R3HDM2: variants seen among roughly 807,000 people sequenced by gnomAD.
R3HDM2 encodes R3H domain-containing protein 2.
In R3HDM2, 38 loss-of-function variants were observed where a neutral mutation model predicts 124.5. The ratio of observed to expected loss-of-function variants is 0.31; its 90% CI spans 0.24 to 0.40. The LOEUF (loss-of-function observed/expected upper bound fraction) is 0.40. Among genes scored for constraint, R3HDM2 ranks in the 10% least tolerant of loss-of-function variants. R3HDM2 has a pLI of 1.00. For synonymous variants in R3HDM2, 391 were observed against 448.0 expected, an observed-to-expected ratio of 0.87 and a Z score of 1.61; for missense variants, 869 against 1,236.9, an observed-to-expected ratio of 0.70 and a Z score of 4.46.
chr12:57,394,328 G>A (rs1041936455), intron 2 of R3HDM2, among the ~76,000 whole-genome samples: 3 of 151,846 alleles, frequency 2.0e-5, no homozygotes, highest in South Asian at 2.1e-4. Flanking sequence ...ATGGCACAGC[G>A]GGCACGGTGG....
chr12:57,291,668 A>C (rs1019769725), intron 11 of R3HDM2, among the ~76,000 whole-genome samples: 1 of 151,608 alleles, frequency 6.6e-6, no homozygotes, highest in African/African-American at 2.4e-5. Flanking sequence ...AAAAAAAACA[A>C]AAAAAAACAA....
intron 2 of R3HDM2, among the ~76,000 whole-genome samples, chr12:57,392,874 G>T (rs1566467561): frequency 7.0e-6 from 1 of 142,042 alleles, no homozygotes; most frequent in Non-Finnish European, 1.5e-5. Flanking sequence ...GCACGATTTT[G>T]GCTCACCGCA....
Position 57,269,951 on chromosome 12 carries a change from C to T in R3HDM2, c.1388G>A (p.Arg463His), listed in dbSNP as rs1052663918. The change falls in exon 15 of 24, where the codon CGC (arginine) becomes CAC (histidine). Residue 463 changes from arginine to histidine, a missense_variant. By Grantham distance (29) the Arg-to-His change is conservative (BLOSUM62 0). Coordinates refer to ENST00000402412, the MANE Select transcript of R3HDM2 (RefSeq NM_001394031.1). Reference protein sequence around the residue: ...SNPFGQMSLSRQGSTEAADPS... With the variant: ...SNPFGQMSLSHQGSTEAADPS... ...GTCAGCTGCTTCAGTAGAACCTTGGCGACTAAGGCTCATTTGTCCAAAGGG... is the reference window on the plus strand; with the variant it reads ...GTCAGCTGCTTCAGTAGAACCTTGGTGACTAAGGCTCATTTGTCCAAAGGG... 12 of 1,613,982 alleles carry T rather than the reference C, an allele frequency of 7.4e-6. No individual in the cohort carries two copies. The highest frequency in any genetic ancestry group is 3.3e-4 in the Middle Eastern group (2 of 6,084).
chr12:57,424,214 A>G (rs554502300), intron 1 of R3HDM2, among the ~76,000 whole-genome samples: 1 of 151,190 alleles, frequency 6.6e-6, no homozygotes, highest in East Asian at 2.0e-4. Context: ...GCTGGAGTAC[A>G]GTGGCGTGAT....
chr12:57,307,819 G>A (rs1281974218), intron 3 of R3HDM2, among the ~76,000 whole-genome samples: 1 of 151,932 alleles, frequency 6.6e-6, no homozygotes, highest in East Asian at 1.9e-4. Context: ...GCTGATGAAG[G>A]GGTAAATGGT....
chr12:57,357,013 G>A (rs540246471), intron 2 of R3HDM2, among the ~76,000 whole-genome samples: 1 of 152,200 alleles, frequency 6.6e-6, no homozygotes, highest in South Asian at 2.1e-4. Context: ...TGAGGCAGGA[G>A]AATGGCGTGA....
intron 2 of R3HDM2, among the ~76,000 whole-genome samples, chr12:57,376,573 T>C (rs1012816972): frequency 6.6e-6 from 1 of 152,210 alleles, no homozygotes; most frequent in African/African-American, 2.4e-5. Flanking sequence ...GGAGGTTCAC[T>C]TGAAGCCAGA....
intron 2 of R3HDM2, among the ~76,000 whole-genome samples, chr12:57,341,045 A>AT (rs1385368955): frequency 3.3e-5 from 5 of 152,204 alleles, no homozygotes; most frequent in Non-Finnish European, 5.9e-5. Flanking sequence ...ATAACTACCT[A>AT]TTTTTTAGGT....
rs746275435 is a variant in R3HDM2, at chr12:57,280,530, C to T, written c.1172G>A (p.Gly391Asp). Residue 391 changes from glycine to aspartate, a missense_variant and splice_region_variant, in exon 14 of 24, where the codon GGT (glycine) becomes GAT (aspartate). Physicochemically the swap from Gly to Asp is moderately conservative, Grantham distance 94. This residue lies in a region of R3HDM2 where 602 missense variants were observed against 789.2 expected (regional missense o/e 0.76). Transcript: ENST00000402412. ...CACTTCTGGGGCACCTAGTGCCATACCTAAGGCAAAGAAGAAACCCACAAA... is the reference window on the plus strand; with the variant it reads ...CACTTCTGGGGCACCTAGTGCCATATCTAAGGCAAAGAAGAAACCCACAAA... ...GGSAGRISRPGMALGAPEVCN... is the reference protein window; with the variant it reads ...GGSAGRISRPDMALGAPEVCN... 1.9e-6 allele frequency: 3 copies of T among 1,588,926 alleles called. No individual in the cohort carries two copies. Among genetic ancestry groups the T allele is most frequent in the Non-Finnish European group, 2.6e-6 (3 of 1,167,494 alleles).
At chr12:57,397,097 GAA>G (rs879440991) in intron 1 of R3HDM2, among the ~76,000 whole-genome samples, 1 of 140,492 alleles carries the variant, frequency 7.1e-6, no homozygotes, top group Non-Finnish European at 1.6e-5. Context: ...CCATCTCAAA[GAA>G]AAAAAAAAAA....
intron 2 of R3HDM2, among the ~76,000 whole-genome samples, chr12:57,324,781 G>A (rs2057038479): frequency 6.6e-6 from 1 of 152,180 alleles, no homozygotes. Context: ...AGTGTTATGG[G>A]CTGAACACAT....
chr12:57,328,126 C>T (rs1228628477), intron 2 of R3HDM2, among the ~76,000 whole-genome samples: 2 of 150,702 alleles, frequency 1.3e-5, no homozygotes, highest in Non-Finnish European at 2.9e-5. Flanking sequence ...GGCTGGAGTG[C>T]AGTGGCGCGA....
chr12:57,386,570 C>A, intron 2 of R3HDM2, among the ~76,000 whole-genome samples: 1 of 150,810 alleles, frequency 6.6e-6, no homozygotes, highest in East Asian at 1.9e-4. Flanking sequence ...TGGGCTCCTG[C>A]GCAGCCTGAG....
At chr12:57,303,032 T>G (rs2051618874) in intron 4 of R3HDM2, 144 bp downstream of exon 4, 1 of 721,182 alleles carries the variant, frequency 1.4e-6, no homozygotes, top group African/African-American at 1.8e-5. Context: ...TATGCACACT[T>G]ACGCAGGTTC....
intron 13 of R3HDM2, 57 bp from the exon 14 acceptor site, chr12:57,280,587 C>T: frequency 6.8e-7 from 1 of 1,467,848 alleles, no homozygotes; most frequent in African/African-American, 1.4e-5. Flanking sequence ...AACACATTAT[C>T]CCTGGAAGCT....
At chr12:57,338,437 CTT>C (rs1056238830) in intron 2 of R3HDM2, among the ~76,000 whole-genome samples, 2 of 152,204 alleles carry the variant, frequency 1.3e-5, no homozygotes, top group Admixed American at 1.3e-4. Flanking sequence ...TCTTTCTAAA[CTT>C]TGTTTCCATA....
At chr12:57,304,169 A>G (rs1051835531) in intron 3 of R3HDM2, among the ~76,000 whole-genome samples, 3 of 152,192 alleles carry the variant, frequency 2.0e-5, no homozygotes, top group Non-Finnish European at 4.4e-5. Flanking sequence ...CAAAGAAAGG[A>G]GCATAAAATA....
intron 2 of R3HDM2, among the ~76,000 whole-genome samples, chr12:57,345,887 C>T (rs916275783): frequency 9.2e-5 from 14 of 152,234 alleles, no homozygotes; most frequent in African/African-American, 3.4e-4. Flanking sequence ...GGGCTGGGTG[C>T]GGTGGCTCAC....
chr12:57,376,767 T>G (rs914294372), intron 2 of R3HDM2, among the ~76,000 whole-genome samples: 3 of 151,806 alleles, frequency 2.0e-5, no homozygotes. Context: ...CTGGCCAACA[T>G]GACGAAGTCC....
Sources: allele counts gnomAD v4.1 joint callset (sites outside exome capture counted in the v4.1 genomes callset), GRCh38; gene constraint gnomAD v4.1.1; regional missense constraint gnomAD v4.1.1; transcripts MANE v1.5; gene names NCBI Gene and HGNC (gene_info 2026-07-23, HGNC 2026-07-21).